Variants in PTPRD observed in about 807,000 individuals in gnomAD.
PTPRD encodes receptor-type tyrosine-protein phosphatase delta.
A neutral mutation model predicts 214.5 loss-of-function variants in PTPRD; 34 were observed. The ratio of observed to expected loss-of-function variants is 0.16; its 90% CI spans 0.12 to 0.21. The LOEUF is 0.21. Ranked by LOEUF, PTPRD falls within the 10% of genes least tolerant of loss-of-function variation. The pLI is 1.00. For missense variants in PTPRD, 2,545 were observed against 2,398.7 expected (o/e 1.06, Z -1.27); for synonymous variants, 1,128 against 845.7 (o/e 1.33, Z -5.79).
At position 9,619,473 on chromosome 9, in the gene PTPRD, C is replaced by A. The variant is rs1239079137; in HGVS notation, c.-286-44692G>T. 3.4e-5 allele frequency among the ~76,000 whole-genome samples: 5 copies of A among 147,248 alleles called. No homozygotes were observed. The East Asian group carries it at 9.9e-4, about 29-fold the overall frequency. ...GCATGTCTATGTGTGGGTATATATT[C>A]ACATATTCTATATAATCTATATATA... is the stretch of plus-strand genomic sequence containing the variant. On this transcript the variant is annotated intron_variant, in intron 7 of 45. Transcript: ENST00000381196.
intron 36 of PTPRD, among the ~76,000 whole-genome samples, chr9:8,391,337 T>C (rs1377576259): frequency 7.2e-5 from 11 of 152,140 alleles, no homozygotes; most frequent in Non-Finnish European, 7.3e-5. Flanking sequence ...CCAGCATTAG[T>C]TGAAAAGCCT....
chr9:10,095,590 T>C (rs2098475191), intron 3 of PTPRD, among the ~76,000 whole-genome samples: 2 of 151,524 alleles, frequency 1.3e-5, no homozygotes, highest in Non-Finnish European at 3.0e-5. Flanking sequence ...AAACATGATA[T>C]TTGATAAAAT....
At chr9:9,392,531 T>C (rs1260482076) in intron 9 of PTPRD, among the ~76,000 whole-genome samples, 1 of 152,184 alleles carries the variant, frequency 6.6e-6, no homozygotes, top group Non-Finnish European at 1.5e-5. Context: ...CTTGCAAGAA[T>C]GGGATCCTAT....
At chr9:8,334,103 C>A (rs1564023434) in intron 43 of PTPRD, among the ~76,000 whole-genome samples, 1 of 152,232 alleles carries the variant, frequency 6.6e-6, no homozygotes, top group East Asian at 1.9e-4. Flanking sequence ...GACTTTAACA[C>A]CCCACTGTCA....
intron 5 of PTPRD, among the ~76,000 whole-genome samples, chr9:9,821,227 T>C (rs1311679850): frequency 6.6e-6 from 1 of 152,196 alleles, no homozygotes; most frequent in Non-Finnish European, 1.5e-5. Context: ...AGGTTATTAG[T>C]GTGTAAAAAT....
chr9:8,404,349 G>A (rs866266909), intron 36 of PTPRD, among the ~76,000 whole-genome samples, 188 bp downstream of exon 36: 11 of 152,106 alleles, frequency 7.2e-5, no homozygotes, highest in African/African-American at 1.2e-4. Flanking sequence ...GGCTGGTCTC[G>A]AACTCCTGAC....
chr9:8,991,358 G>A (rs1008058440), intron 11 of PTPRD, among the ~76,000 whole-genome samples: 2 of 152,014 alleles, frequency 1.3e-5, no homozygotes, highest in African/African-American at 2.4e-5. Context: ...TTTGTTATAG[G>A]AGTGTCAGCT....
intron 9 of PTPRD, among the ~76,000 whole-genome samples, chr9:9,253,867 G>C (rs1033940088): frequency 3.3e-5 from 5 of 152,108 alleles, no homozygotes; most frequent in African/African-American, 1.2e-4. Flanking sequence ...CTGAAATCAA[G>C]GTGTTGGCAG....
chr9:9,442,611 G>C (rs2088539291), intron 8 of PTPRD, among the ~76,000 whole-genome samples: 1 of 152,144 alleles, frequency 6.6e-6, no homozygotes, highest in Admixed American at 6.5e-5. Context: ...GAACAAAATA[G>C]CTGATGGATT....
chr9:9,444,595 G>C (rs1027277429), intron 8 of PTPRD, among the ~76,000 whole-genome samples: 7 of 152,136 alleles, frequency 4.6e-5, no homozygotes, highest in African/African-American at 1.4e-4. Context: ...TTAAGGTATA[G>C]GAGATAGTCA....
chr9:10,375,474 G>C (rs2097710451), intron 2 of PTPRD, among the ~76,000 whole-genome samples: 1 of 152,062 alleles, frequency 6.6e-6, no homozygotes, highest in East Asian at 1.9e-4. Flanking sequence ...TAGCAAGTGA[G>C]GAGAAGATAT....
At chr9:9,030,730 A>G (rs1461490163) in intron 10 of PTPRD, among the ~76,000 whole-genome samples, 5 of 151,884 alleles carry the variant, frequency 3.3e-5, no homozygotes, top group African/African-American at 9.7e-5. Context: ...TTGTTGTTAG[A>G]GAGTGGAATC....
intron 2 of PTPRD, among the ~76,000 whole-genome samples, chr9:10,362,455 C>T (rs576164717): frequency 3.8e-4 from 57 of 151,322 alleles, no homozygotes; most frequent in South Asian, 2.1e-4. Flanking sequence ...CAAAGCTATA[C>T]AACAAAAGAA....
rs141136711 is a variant in PTPRD at position 10,309,422 on chromosome 9, G to A, written c.-545+31541C>T. On this transcript the variant is annotated intron_variant, in intron 3 of 45. Transcript: ENST00000381196. ...GGCTGAAGTGTAATGGCACAATCTC[G>A]ACTCACTTCAACCTCCCCTTCCCGG... Among the ~76,000 whole-genome samples, 429 of 151,646 alleles carry A rather than the reference G, an allele frequency of 2.8e-3. 3 individuals are homozygous for A. The highest frequency in any genetic ancestry group is 9.9e-3 in the African/African-American group (408 of 41,356).
At chr9:10,391,849 T>G (rs1464643685) in intron 2 of PTPRD, among the ~76,000 whole-genome samples, 2 of 151,804 alleles carry the variant, frequency 1.3e-5, no homozygotes, top group African/African-American at 4.8e-5. Context: ...TTCTCAGATA[T>G]TTTTTCACTG....
intron 9 of PTPRD, among the ~76,000 whole-genome samples, chr9:9,301,294 T>A (rs1955195734): frequency 6.6e-6 from 1 of 151,826 alleles, no homozygotes; most frequent in African/African-American, 2.4e-5. Context: ...CATGCTATTT[T>A]TAGCCAGAGA....
chr9:9,574,792 A>G lies in PTPRD; in HGVS notation c.-286-11T>C, dbSNP rs944153961. ...TCACCACCCTGAGACCTAGAAAAGT[A>G]TAACACAAAACATTCTTTATTAGTA... On this transcript the variant is annotated splice_polypyrimidine_tract_variant and intron_variant, in intron 7 of 45. Coordinates refer to ENST00000381196, the MANE Select transcript of PTPRD (RefSeq NM_002839.4). 1 of 152,124 alleles carries G rather than the reference A, an allele frequency of 6.6e-6. No individual in the cohort carries two copies. The highest frequency in any genetic ancestry group is 2.4e-5 in the African/African-American group (1 of 41,448). The allele number at this position is 152,124 out of a possible 1,614,324, so 9.4% of individuals were successfully genotyped here.
chr9:8,618,648 A>G (rs1354154802), intron 14 of PTPRD, among the ~76,000 whole-genome samples: 2 of 151,966 alleles, frequency 1.3e-5, no homozygotes, highest in African/African-American at 2.4e-5. Context: ...CTCACCTTTT[A>G]ACTTCCTGTG....
At chr9:9,094,640 CA>C (rs1213017033) in intron 10 of PTPRD, among the ~76,000 whole-genome samples, 1 of 151,926 alleles carries the variant, frequency 6.6e-6, no homozygotes, top group Non-Finnish European at 1.5e-5. Context: ...ATCCATGTAA[CA>C]AAAAACCACC....
Sources: gnomAD v4.1 joint callset for allele counts (sites outside exome capture counted in the v4.1 genomes callset) on GRCh38, gnomAD v4.1.1 for gene constraint, MANE v1.5 for transcripts, NCBI Gene and HGNC (gene_info 2026-07-23, HGNC 2026-07-21) for gene names.